The following PPARGC1A variants were observed in gnomAD, a reference collection of about 807,000 sequenced individuals.
PPARGC1A encodes the protein PPARG coactivator 1 alpha.
Under a neutral mutation model 88.7 loss-of-function variants are expected in PPARGC1A, and 25 were observed. The ratio of observed to expected loss-of-function variants is 0.28; its 90% CI spans 0.21 to 0.39. PPARGC1A has a LOEUF of 0.39. PPARGC1A is among the 10% of genes least tolerant of loss of function. PPARGC1A has a pLI of 1.00. For synonymous variants in PPARGC1A, 363 were observed against 355.6 expected, an observed-to-expected ratio of 1.02 and a Z score of -0.24; for missense variants, 880 against 968.7, an observed-to-expected ratio of 0.91 and a Z score of 1.22.
the PPARGC1A span, among the ~76,000 whole-genome samples, chr4:23,952,069 T>C: frequency 9.8e-4 from 149 of 152,232 alleles, no homozygotes; most frequent in African/African-American, 3.3e-3. Flanking sequence ...ATTGAGGCTA[T>C]TGTACAAACC....
chr4:24,257,153 G>T, the PPARGC1A span, among the ~76,000 whole-genome samples: 1 of 151,888 alleles, frequency 6.6e-6, no homozygotes, highest in Non-Finnish European at 1.5e-5. Context: ...TTCTCTAACT[G>T]TCAGAGTTGC....
At chr4:24,390,049 G>C in the PPARGC1A span, among the ~76,000 whole-genome samples, 1 of 151,826 alleles carries the variant, frequency 6.6e-6, no homozygotes, top group Non-Finnish European at 1.5e-5. Flanking sequence ...ATTAATCAAG[G>C]CATGAATTGT....
At chr4:24,321,917 A>C in the PPARGC1A span, among the ~76,000 whole-genome samples, 1 of 148,178 alleles carries the variant, frequency 6.7e-6, no homozygotes, top group Non-Finnish European at 1.5e-5. Context: ...CGTAAAAAAG[A>C]AATAATCGGC....
At chr4:24,359,719 G>A in the PPARGC1A span, among the ~76,000 whole-genome samples, 35 of 152,286 alleles carry the variant, frequency 2.3e-4, no homozygotes, top group African/African-American at 8.4e-4. Context: ...AGAACACCAA[G>A]TGACTTTGGA....
the PPARGC1A span, among the ~76,000 whole-genome samples, chr4:24,226,613 T>C: frequency 6.6e-6 from 1 of 152,206 alleles, no homozygotes. Context: ...TTTCCTTGGT[T>C]CCACATTTCT....
the PPARGC1A span, among the ~76,000 whole-genome samples, chr4:24,070,311 A>G: frequency 6.6e-6 from 1 of 152,202 alleles, no homozygotes; most frequent in Non-Finnish European, 1.5e-5. Context: ...GACACACTAT[A>G]TCAGAATGCA....
At chr4:23,857,398 A>G (rs1039626247) in intron 2 of PPARGC1A, among the ~76,000 whole-genome samples, 1 of 146,648 alleles carries the variant, frequency 6.8e-6, no homozygotes, top group African/African-American at 2.5e-5. Context: ...GCACGTACTA[A>G]ATAGATTTTA....
intron 10 of PPARGC1A, among the ~76,000 whole-genome samples, chr4:23,810,874 T>G (rs1297215329): frequency 6.6e-6 from 1 of 152,218 alleles, no homozygotes; most frequent in Non-Finnish European, 1.5e-5. Flanking sequence ...TATATGGCAC[T>G]ATATAAATGT....
chr4:24,255,963 C>T, the PPARGC1A span, among the ~76,000 whole-genome samples: 3 of 152,184 alleles, frequency 2.0e-5, no homozygotes, highest in Admixed American at 1.3e-4. Context: ...CTGTTGTTAT[C>T]TTGACTTGTC....
At chr4:24,375,577 A>G in the PPARGC1A span, among the ~76,000 whole-genome samples, 1 of 152,206 alleles carries the variant, frequency 6.6e-6, no homozygotes, top group African/African-American at 2.4e-5. Context: ...CAACTACTCT[A>G]TACCAGGCAG....
chr4:24,239,473 C>T, the PPARGC1A span, among the ~76,000 whole-genome samples: 19 of 152,174 alleles, frequency 1.2e-4, no homozygotes, highest in Admixed American at 5.9e-4. Context: ...TAGCTTCCTG[C>T]GTGATCTTGT....
chr4:23,924,991 T>C, the PPARGC1A span, among the ~76,000 whole-genome samples: 12 of 152,320 alleles, frequency 7.9e-5, no homozygotes, highest in East Asian at 3.9e-4. Flanking sequence ...TTTTGAAAAG[T>C]ATGAACTACT....
chr4:24,109,053 C>CAT, the PPARGC1A span, among the ~76,000 whole-genome samples: 6,845 of 146,638 alleles, frequency 0.047, 503 homozygotes, highest in African/African-American at 0.16. Context: ...CACACACACA[C>CAT]ACACCTGAGA....
At chr4:23,856,368 T>C (rs1338873499) in intron 2 of PPARGC1A, among the ~76,000 whole-genome samples, 2 of 152,230 alleles carry the variant, frequency 1.3e-5, no homozygotes, top group East Asian at 3.9e-4. Context: ...TAAATGTGGT[T>C]TGTTTTAACA....
At chr4:23,832,026 T>C (rs1333081402) in intron 2 of PPARGC1A, among the ~76,000 whole-genome samples, 1 of 152,204 alleles carries the variant, frequency 6.6e-6, no homozygotes, top group East Asian at 1.9e-4. Context: ...GCAATTCTTC[T>C]TGGTTACAGA....
chr4:24,236,155 G>T, the PPARGC1A span, among the ~76,000 whole-genome samples: 1 of 152,156 alleles, frequency 6.6e-6, no homozygotes, highest in Admixed American at 6.5e-5. Flanking sequence ...GAAACTTTTG[G>T]CATGTATCCG....
At chr4:24,168,703 C>T in the PPARGC1A span, among the ~76,000 whole-genome samples, 1 of 151,968 alleles carries the variant, frequency 6.6e-6, no homozygotes, top group South Asian at 2.1e-4. Context: ...TAGCCACCAA[C>T]TGAAAGAATT....
At chr4:23,888,617 A>G (rs1255833807) in intron 1 of PPARGC1A, among the ~76,000 whole-genome samples, 2 of 152,232 alleles carry the variant, frequency 1.3e-5, no homozygotes, top group African/African-American at 2.4e-5. Context: ...GATAACAATT[A>G]CAATCCACAA....
the PPARGC1A span, among the ~76,000 whole-genome samples, chr4:24,384,175 G>T: frequency 6.6e-6 from 1 of 152,092 alleles, no homozygotes; most frequent in Non-Finnish European, 1.5e-5. Context: ...TTACAGACAA[G>T]CAAATGCTGA....
Sources: allele counts gnomAD v4.1 joint callset (sites outside exome capture counted in the v4.1 genomes callset), GRCh38; gene constraint gnomAD v4.1.1; transcripts MANE v1.5; gene names NCBI Gene and HGNC (gene_info 2026-07-23, HGNC 2026-07-21).